The following EXTL2 variants were observed in gnomAD, a reference collection of about 807,000 sequenced individuals.
EXTL2 encodes exostosin like glycosyltransferase 2.
EXTL2 carries 23 observed loss-of-function variants against 30.7 expected under a neutral mutation model. The observed-to-expected ratio is 0.75, with a 90% CI of 0.54 to 1.06. EXTL2 has a LOEUF of 1.06. EXTL2 is among the 50% of genes least tolerant of loss of function. The pLI is 0.00. For synonymous variants in EXTL2, 123 were observed against 133.8 expected (o/e 0.92, Z 0.56); for missense variants, 352 against 396.3 (o/e 0.89, Z 0.95).
chr1:100,883,057 A>G (rs1649691625), intron 2 of EXTL2, among the ~76,000 whole-genome samples: 1 of 152,222 alleles, frequency 6.6e-6, no homozygotes, highest in African/African-American at 2.4e-5. Context: ...CAGAACCAAG[A>G]GAAGACTCTA....
chr1:100,876,013 T>C lies in EXTL2; in HGVS notation c.504+781A>G, dbSNP rs568000226. Among the ~76,000 whole-genome samples, 8 of 152,244 alleles carry C rather than the reference T, an allele frequency of 5.3e-5. No homozygotes were observed. In the South Asian group the frequency reaches 1.7e-3, roughly 32 times the overall value. On this transcript the variant is annotated intron_variant, in intron 4 of 4. Coordinates refer to ENST00000370114, the MANE Select transcript of EXTL2 (RefSeq NM_001033025.3). The stretch of plus-strand genomic sequence containing the variant: ...AAGTTTTAAAAATGCTGATATCTGC[T>C]GAGTATTGTGATCACTTACCATTAA...
intron 1 of EXTL2, among the ~76,000 whole-genome samples, chr1:100,894,150 ACTTCTCCCGC>A (rs201632667): frequency 0.028 from 4,244 of 152,206 alleles, 178 homozygotes; most frequent in African/African-American, 0.094. Flanking sequence ...TATTTCTATT[ACTTCTCCCGC>A]CTTCTCCCAA....
intron 2 of EXTL2, among the ~76,000 whole-genome samples, chr1:100,881,451 G>A (rs1382472761): frequency 2.6e-5 from 4 of 152,344 alleles, no homozygotes; most frequent in Admixed American, 6.5e-5. Flanking sequence ...TGTCGTACTT[G>A]GGAAGAACTA....
chr1:100,882,817 C>T (rs995549827), intron 2 of EXTL2, among the ~76,000 whole-genome samples: 1 of 152,030 alleles, frequency 6.6e-6, no homozygotes, highest in Non-Finnish European at 1.5e-5. Flanking sequence ...GAGTGAGACT[C>T]TCATCTCATA....
intron 2 of EXTL2, 103 bp from the exon 3 acceptor site, chr1:100,878,006 T>G: frequency 1.1e-6 from 1 of 917,706 alleles, no homozygotes; most frequent in Admixed American, 2.8e-5. Flanking sequence ...TTATTTTAGT[T>G]GATTCAAATT....
intron 2 of EXTL2, among the ~76,000 whole-genome samples, chr1:100,878,775 C>A (rs1026244348): frequency 6.6e-6 from 1 of 151,924 alleles, no homozygotes; most frequent in African/African-American, 2.4e-5. Context: ...CCCAAGATTA[C>A]CAAGTAATTT....
At chr1:100,893,851 C>T (rs1422869011) in intron 1 of EXTL2, among the ~76,000 whole-genome samples, 2 of 152,046 alleles carry the variant, frequency 1.3e-5, no homozygotes, top group Admixed American at 1.3e-4. Context: ...GGAGAAGGTC[C>T]TCATGGGAAT....
intron 1 of EXTL2, among the ~76,000 whole-genome samples, chr1:100,892,957 A>G (rs1467556202): frequency 6.6e-6 from 1 of 152,126 alleles, no homozygotes; most frequent in African/African-American, 2.4e-5. Flanking sequence ...CTTGCTGACC[A>G]TTGCCCAAAA....
chr1:100,893,061 G>T (rs1334170219), intron 1 of EXTL2, among the ~76,000 whole-genome samples: 2 of 152,106 alleles, frequency 1.3e-5, no homozygotes, highest in African/African-American at 4.8e-5. Context: ...AGCAGCTGGG[G>T]TTTTTCCACC....
intron 2 of EXTL2, among the ~76,000 whole-genome samples, chr1:100,883,489 C>G (rs1358882896): frequency 6.6e-6 from 1 of 152,136 alleles, no homozygotes; most frequent in African/African-American, 2.4e-5. Context: ...TGGAATCATA[C>G]AATATATGAC....
chr1:100,888,413 T>A (rs1313513561), intron 2 of EXTL2: 1 of 200,030 alleles, frequency 5.0e-6, no homozygotes, highest in South Asian at 1.9e-4. Flanking sequence ...ACAACATAGA[T>A]GAATCTTGAA....
At chr1:100,887,234 T>C (rs1650038117) in intron 2 of EXTL2, among the ~76,000 whole-genome samples, 1 of 152,234 alleles carries the variant, frequency 6.6e-6, no homozygotes, top group Admixed American at 6.5e-5. Context: ...TTAACTCACT[T>C]TCCAAAATCA....
In EXTL2 at chr1:100,872,570, A is replaced by C. The variant is rs1570447325; in HGVS notation, c.*1372T>G. On this transcript the variant is annotated 3_prime_UTR_variant, in exon 5 of 5. Transcript: ENST00000370114. The stretch of plus-strand genomic sequence containing the variant: ...ACATATACTCTTTAATGTAAAAAAA[A>C]AACCATCATATGCGGAACTAAATGC... 2.0e-5 allele frequency: 3 copies of C among 152,610 alleles called. No individual in the cohort carries two copies. In the Admixed American group the frequency reaches 2.0e-4, roughly 10 times the overall value. 9.5% of individuals were successfully genotyped at this position (152,610 alleles called of 1,614,324 possible).
chr1:100,879,971 T>C (rs1054891347), intron 2 of EXTL2, among the ~76,000 whole-genome samples: 1 of 152,152 alleles, frequency 6.6e-6, no homozygotes, highest in Non-Finnish European at 1.5e-5. Context: ...AAATCTCATT[T>C]TACTTTCCTA....
chr1:100,879,276 G>A (rs1327251573), intron 2 of EXTL2, among the ~76,000 whole-genome samples: 9 of 152,016 alleles, frequency 5.9e-5, no homozygotes, highest in Non-Finnish European at 1.0e-4. Flanking sequence ...TCTTCCACAG[G>A]CCACCAGAAG....
intron 2 of EXTL2, among the ~76,000 whole-genome samples, chr1:100,882,973 A>C (rs1227823975): frequency 6.6e-6 from 1 of 152,200 alleles, no homozygotes; most frequent in Admixed American, 6.5e-5. Flanking sequence ...TCCTTGTTTC[A>C]CAGATAAACA....
intron 2 of EXTL2, among the ~76,000 whole-genome samples, chr1:100,883,375 C>T (rs1378660098): frequency 2.0e-5 from 3 of 152,224 alleles, no homozygotes; most frequent in East Asian, 3.9e-4. Context: ...CAGCCAATCC[C>T]TATTTTCACT....
At chr1:100,883,221 G>A (rs536938389) in intron 2 of EXTL2, among the ~76,000 whole-genome samples, 104 of 152,276 alleles carry the variant, frequency 6.8e-4, no homozygotes, top group African/African-American at 2.5e-3. Flanking sequence ...GTATCTTTAA[G>A]GAGAGATTAC....
In EXTL2 at chr1:100,872,470, A is replaced by G. The variant is rs1030965507; in HGVS notation, c.*1472T>C. 1 of 152,488 alleles carries G rather than the reference A, an allele frequency of 6.6e-6. No homozygotes were observed. The highest frequency in any genetic ancestry group is 2.4e-5 in the African/African-American group (1 of 41,426). The allele number at this position is 152,488 out of a possible 1,614,324, so 9.4% of individuals were successfully genotyped here. On this transcript the variant is annotated 3_prime_UTR_variant, in exon 5 of 5. Transcript: ENST00000370114. ...ACTACCAATATTGGACAAAACAGAT[A>G]ACTGACATTATCGATTTTTAGTAAG...
Sources: gnomAD v4.1 joint callset for allele counts (sites outside exome capture counted in the v4.1 genomes callset) on GRCh38, gnomAD v4.1.1 for gene constraint, MANE v1.5 for transcripts, NCBI Gene and HGNC (gene_info 2026-07-23, HGNC 2026-07-21) for gene names.